Variants in DIAPH2 observed in about 807,000 individuals in gnomAD.
DIAPH2 encodes the protein diaphanous related formin 2.
In DIAPH2, 35 loss-of-function variants were observed where a neutral mutation model predicts 92.7. That is an observed-to-expected ratio of 0.38 (90% CI 0.29 to 0.50). The LOEUF (loss-of-function observed/expected upper bound fraction) is 0.50, where lower values mean the gene tolerates loss of function less well. DIAPH2 is among the 20% of genes least tolerant of loss of function. The probability of loss-of-function intolerance (pLI) is 0.94; values close to 1 mark genes in which losing one functional copy is unlikely to be tolerated. For missense variants in DIAPH2, 701 were observed against 819.5 expected (o/e 0.86, Z 1.77); for synonymous variants, 301 against 280.4 (o/e 1.07, Z -0.73).
At chrX:97,400,822 C>T (rs1478046453) in intron 25 of DIAPH2, among the ~76,000 whole-genome samples, 2 of 111,169 alleles carry the variant, frequency 1.8e-5, no homozygotes, top group African/African-American at 6.5e-5. Context: ...TTGTATTACC[C>T]ACCTTAGAAC....
At chrX:97,203,759 C>A (rs1480675799) in intron 22 of DIAPH2, among the ~76,000 whole-genome samples, 2 of 111,681 alleles carry the variant, frequency 1.8e-5, no homozygotes, top group Non-Finnish European at 3.8e-5. Context: ...GGAGCCGGTA[C>A]CATTCCTTCT....
intron 25 of DIAPH2, among the ~76,000 whole-genome samples, chrX:97,392,382 A>T (rs751696134): frequency 8.9e-6 from 1 of 112,125 alleles, no homozygotes; most frequent in South Asian, 3.7e-4. Context: ...AGAAGTTTTC[A>T]TTTTTGTCAG....
intron 26 of DIAPH2, among the ~76,000 whole-genome samples, chrX:97,483,877 C>T (rs1324009115): frequency 9.0e-6 from 1 of 111,698 alleles, no homozygotes; most frequent in Non-Finnish European, 1.9e-5. Flanking sequence ...CCAAAACCCT[C>T]AAATGTATGA....
At chrX:97,328,794 A>C (rs2068973161) in intron 23 of DIAPH2, among the ~76,000 whole-genome samples, 1 of 111,612 alleles carries the variant, frequency 9.0e-6, no homozygotes, top group African/African-American at 3.2e-5. Flanking sequence ...TTATATTTCT[A>C]GACTAATATA....
At chrX:97,403,227 T>A (rs1602565082) in intron 25 of DIAPH2, among the ~76,000 whole-genome samples, 3 of 112,329 alleles carry the variant, frequency 2.7e-5, no homozygotes, top group Admixed American at 9.4e-5. Context: ...GAGAATCTTT[T>A]AACAAAAAGC....
At chrX:97,312,954 G>A (rs1257486660) in intron 23 of DIAPH2, among the ~76,000 whole-genome samples, 5 of 110,036 alleles carry the variant, frequency 4.5e-5, no homozygotes, top group Admixed American at 9.8e-5. Flanking sequence ...TGAGGTGGGC[G>A]GATCACGAGG....
chrX:97,209,696 G>A (rs1018009350), intron 22 of DIAPH2, among the ~76,000 whole-genome samples: 1 of 110,188 alleles, frequency 9.1e-6, no homozygotes, highest in African/African-American at 3.3e-5. Context: ...ACTATGACTT[G>A]ATATGTTTGT....
chrX:97,207,889 C>T (rs1215971101), intron 22 of DIAPH2, among the ~76,000 whole-genome samples: 4 of 111,492 alleles, frequency 3.6e-5, no homozygotes, highest in East Asian at 5.6e-4. Context: ...TGCAGCAGCT[C>T]GCGCCTATAA....
intron 24 of DIAPH2, among the ~76,000 whole-genome samples, chrX:97,378,916 A>T (rs773088049): frequency 3.5e-4 from 39 of 111,807 alleles, no homozygotes; most frequent in South Asian, 7.5e-4. Flanking sequence ...GTGTGATCAC[A>T]GTATTCCTCT....
intron 3 of DIAPH2, 128 bp downstream of exon 3, chrX:96,738,890 T>G (rs2064103130): frequency 1.0e-5 from 5 of 477,206 alleles, no homozygotes; most frequent in Non-Finnish European, 1.6e-5. Flanking sequence ...AAACTTGATA[T>G]AACAAAACTA....
At chrX:96,933,969 C>G (rs1470159679) in intron 10 of DIAPH2, among the ~76,000 whole-genome samples, 1 of 110,086 alleles carries the variant, frequency 9.1e-6, no homozygotes, top group Non-Finnish European at 1.9e-5. Context: ...CCAGGTTGGT[C>G]TTGAACTCCT....
At chrX:97,237,579 T>C (rs1388094424) in intron 22 of DIAPH2, among the ~76,000 whole-genome samples, 2 of 103,767 alleles carry the variant, frequency 1.9e-5, no homozygotes, top group Non-Finnish European at 4.0e-5. Context: ...TTTTTCTTTT[T>C]TCTATTTTTT....
chrX:97,263,664 G>T (rs1042140151), intron 23 of DIAPH2, among the ~76,000 whole-genome samples: 2 of 109,081 alleles, frequency 1.8e-5, no homozygotes, highest in African/African-American at 3.3e-5. Context: ...TCAGCTCACT[G>T]CAACCTCCGC....
intron 22 of DIAPH2, among the ~76,000 whole-genome samples, chrX:97,185,369 G>GTA (rs1177857093): frequency 3.3e-5 from 1 of 30,334 alleles, no homozygotes; most frequent in Non-Finnish European, 4.9e-5. Context: ...ATATATATAT[G>GTA]TATATATATA....
At chrX:97,110,514 A>G (rs1305452735) in intron 20 of DIAPH2, among the ~76,000 whole-genome samples, 1 of 111,859 alleles carries the variant, frequency 8.9e-6, no homozygotes, top group Non-Finnish European at 1.9e-5. Context: ...ACATAAAATT[A>G]TGAGTTTCTA....
At chrX:97,198,327 T>TAC (rs1174092607) in intron 22 of DIAPH2, among the ~76,000 whole-genome samples, 2 of 108,043 alleles carry the variant, frequency 1.9e-5, no homozygotes, top group African/African-American at 6.8e-5. Context: ...CATATATATA[T>TAC]ACACGCATAT....
At chrX:97,315,219 G>T (rs2068830510) in intron 23 of DIAPH2, among the ~76,000 whole-genome samples, 1 of 111,345 alleles carries the variant, frequency 9.0e-6, no homozygotes, top group South Asian at 3.8e-4. Flanking sequence ...CATGATGATT[G>T]CTTGAGACCA....
At chrX:96,707,756 C>T (rs1394756599) in intron 1 of DIAPH2, among the ~76,000 whole-genome samples, 1 of 111,606 alleles carries the variant, frequency 9.0e-6, no homozygotes, top group African/African-American at 3.3e-5. Flanking sequence ...TAATGACAAC[C>T]ACTTCTTTCT....
intron 22 of DIAPH2, among the ~76,000 whole-genome samples, chrX:97,247,259 T>A (rs1033047844): frequency 1.3e-4 from 15 of 111,994 alleles, no homozygotes; most frequent in Admixed American, 3.8e-4. Flanking sequence ...ACCATAGATA[T>A]TGGTTTATAA....
Sources: allele counts gnomAD v4.1 joint callset (sites outside exome capture counted in the v4.1 genomes callset), GRCh38; gene constraint gnomAD v4.1.1; transcripts MANE v1.5; gene names NCBI Gene and HGNC (gene_info 2026-07-23, HGNC 2026-07-21).